MERTK: variants seen among roughly 807,000 people sequenced by gnomAD.
MERTK encodes tyrosine-protein kinase Mer.
MERTK carries 69 observed loss-of-function variants against 99.3 expected under a neutral mutation model. The ratio of observed to expected loss-of-function variants is 0.70; its 90% CI spans 0.57 to 0.85. The LOEUF (loss-of-function observed/expected upper bound fraction) is 0.85, where lower values mean the gene tolerates loss of function less well. Ranked by LOEUF, MERTK falls within the 40% of genes least tolerant of loss-of-function variation. The pLI, the probability that MERTK is intolerant of heterozygous loss-of-function variation, is 0.00. For synonymous variants in MERTK, 426 were observed against 467.6 expected (o/e 0.91, Z 1.15); for missense variants, 1,125 against 1,249.4 (o/e 0.90, Z 1.50).
chr2:111,903,471 G>GA (rs1329306818), intron 1 of MERTK, among the ~76,000 whole-genome samples: 2 of 151,122 alleles, frequency 1.3e-5, no homozygotes, highest in African/African-American at 4.9e-5. Context: ...ATTCCAACTA[G>GA]AAAAAAAAAT....
Position 111,929,458 on chromosome 2 carries a change from G to A in MERTK, c.400G>A (p.Gly134Arg). The change falls in exon 2 of 19, where the codon GGG (glycine) becomes AGG (arginine). Residue 134 changes from glycine (G) to arginine (R), a missense_variant. Transcript: ENST00000295408. Reference protein sequence around the residue: ...QDTTISWWKDGKELLGAHHAI... With the variant: ...QDTTISWWKDRKELLGAHHAI... ...CACCACAATTTCTTGGTGGAAAGAT[G>A]GGAAGGAATTGCTTGGGGCACATCA... The A allele has an allele frequency of 6.2e-7, 1 of 1,613,970 alleles. No individual in the cohort carries two copies. The highest frequency in any genetic ancestry group is 8.5e-7 in the Non-Finnish European group (1 of 1,179,926).
intron 8 of MERTK, among the ~76,000 whole-genome samples, chr2:111,985,397 C>T (rs929985004): frequency 1.3e-5 from 2 of 152,040 alleles, no homozygotes; most frequent in African/African-American, 2.4e-5. Context: ...ACAGAACATC[C>T]GTGGAAGGGC....
At chr2:111,913,265 G>GA (rs1304034174) in intron 1 of MERTK, among the ~76,000 whole-genome samples, 1 of 152,188 alleles carries the variant, frequency 6.6e-6, no homozygotes, top group Non-Finnish European at 1.5e-5. Flanking sequence ...TCCAATTTAT[G>GA]AACACAGTAT....
chr2:111,900,301 A>C (rs1684019036), intron 1 of MERTK, among the ~76,000 whole-genome samples: 1 of 152,222 alleles, frequency 6.6e-6, no homozygotes, highest in African/African-American at 2.4e-5. Context: ...ATTTGGGGCA[A>C]CATAGCAATT....
intron 18 of MERTK, among the ~76,000 whole-genome samples, chr2:112,025,077 G>A (rs1198551889): frequency 6.6e-6 from 1 of 152,228 alleles, no homozygotes; most frequent in Admixed American, 6.5e-5. Context: ...GGTGCCCTGT[G>A]TTAGATGGAC....
intron 2 of MERTK, among the ~76,000 whole-genome samples, chr2:111,934,796 C>T (rs1684735415): frequency 6.6e-6 from 1 of 152,114 alleles, no homozygotes; most frequent in African/African-American, 2.4e-5. Flanking sequence ...TTTGCCCATG[C>T]CTATGTCCTG....
chr2:111,907,567 C>T (rs1017411891), intron 1 of MERTK, among the ~76,000 whole-genome samples: 2 of 152,212 alleles, frequency 1.3e-5, no homozygotes, highest in Non-Finnish European at 2.9e-5. Context: ...AATATTGGAT[C>T]TCCCCAAACA....
chr2:111,900,694 C>T (rs4318394), intron 1 of MERTK, among the ~76,000 whole-genome samples: 148,393 of 152,306 alleles, frequency 0.97, 72,411 homozygotes, highest in Middle Eastern at 1. Context: ...TTTCACCAAT[C>T]GTTCTTGCAC....
intron 8 of MERTK, among the ~76,000 whole-genome samples, chr2:111,993,140 G>A (rs199588763): frequency 4.4e-5 from 1 of 22,964 alleles, no homozygotes; most frequent in African/African-American, 2.0e-4. Flanking sequence ...TGACTATTGT[G>A]GTGTGGGAGC....
At chr2:111,919,274 C>A (rs1684410645) in intron 1 of MERTK, among the ~76,000 whole-genome samples, 1 of 152,050 alleles carries the variant, frequency 6.6e-6, no homozygotes, top group Non-Finnish European at 1.5e-5. Flanking sequence ...CCCTGGCCCA[C>A]CTTAGAGTGA....
chr2:112,027,473 G>A (rs1160832954), intron 18 of MERTK, among the ~76,000 whole-genome samples: 1 of 152,002 alleles, frequency 6.6e-6, no homozygotes, highest in East Asian at 1.9e-4. Flanking sequence ...ATTGTCATCT[G>A]TCTTACTGTG....
At chr2:111,974,464 A>C (rs1676197317) in intron 6 of MERTK, among the ~76,000 whole-genome samples, 1 of 152,120 alleles carries the variant, frequency 6.6e-6, no homozygotes, top group South Asian at 2.1e-4. Context: ...CTTAGGTTAC[A>C]TAATAAAAAG....
Position 111,898,801 on chromosome 2 carries a change from G to A in MERTK, c.61+5G>A, listed in dbSNP as rs768850326. The A allele has an allele frequency of 1.9e-6, 3 of 1,588,574 alleles. No homozygotes were observed. The highest frequency in any genetic ancestry group is 2.6e-6 in the Non-Finnish European group (3 of 1,168,332). On this transcript the variant is annotated splice_donor_5th_base_variant and intron_variant, in intron 1 of 18. Coordinates refer to ENST00000295408, the MANE Select transcript of MERTK (RefSeq NM_006343.3). ...TCCCCGCGCTCTGGCGTAGAGGTGA[G>A]TGCGCCCGGCTGGGGGCCAGGCGAG...
At position 112,019,342 on chromosome 2, in the gene MERTK, C is replaced by CA. The variant is rs752488760; in HGVS notation, c.2080-71_2080-70insA. On this transcript the variant is annotated intron_variant, in intron 15 of 18. Transcript: ENST00000295408. ...AATAAATTAAAGCATCCTTTCCCCC[C>CA]CCGGCAGAAACTGCTTGCAAGTTTT... The CA allele has an allele frequency of 8.1e-6, 9 of 1,107,656 alleles. 1 individual carries two copies. In the Admixed American group the frequency reaches 1.0e-4, roughly 12 times the overall value. 68.6% of individuals were successfully genotyped at this position (1,107,656 alleles called of 1,614,324 possible).
intron 15 of MERTK, among the ~76,000 whole-genome samples, chr2:112,019,191 G>C (rs906508979): frequency 1.3e-5 from 2 of 152,092 alleles, no homozygotes; most frequent in African/African-American, 2.4e-5. Flanking sequence ...TTTAAAGATG[G>C]GGAAAAGAGA....
In MERTK at chr2:111,974,543, G is replaced by A. The variant is rs1381664455; in HGVS notation, c.961-746G>A. 3.3e-5 allele frequency among the ~76,000 whole-genome samples: 5 copies of A among 152,156 alleles called. No individual in the cohort carries two copies. In the East Asian group the frequency reaches 9.6e-4, roughly 29 times the overall value. On this transcript the variant is annotated intron_variant, in intron 6 of 18. Transcript: ENST00000295408. ...CCAGCGCTTTGGAAGTCCAAGGCAG[G>A]TGGATCACCTGAGGTCAGGAGTTCG...
chr2:111,982,842 C>A lies in MERTK; in HGVS notation c.1145C>A (p.Ala382Asp), dbSNP rs1398213148. ...PWILASTTEG[A>D]PSVAPLNVTV... ...TCTTCTCTCCTTTTTTCTTTTGTAG[C>A]CCCATCAGTAGCACCTTTAAATGTC... The change falls in exon 8 of 19, where the codon GCC becomes GAC. Residue 382 changes from alanine (A) to aspartate (D), a missense_variant and splice_region_variant. Transcript: ENST00000295408. 1.9e-6 allele frequency: 3 copies of A among 1,613,698 alleles called. No homozygotes were observed. The African/African-American group carries it at 4.0e-5, about 22-fold the overall frequency.
intron 1 of MERTK, among the ~76,000 whole-genome samples, chr2:111,899,238 C>G (rs1164378383): frequency 6.6e-6 from 1 of 152,214 alleles, no homozygotes; most frequent in East Asian, 1.9e-4. Context: ...CAGATCCGGT[C>G]TCCCGAGGGA....
At chr2:111,927,871 C>T (rs909607427) in intron 1 of MERTK, among the ~76,000 whole-genome samples, 1 of 152,088 alleles carries the variant, frequency 6.6e-6, no homozygotes, top group Non-Finnish European at 1.5e-5. Context: ...CACTGTGTAC[C>T]CCCAGTCACC....
Sources: gnomAD v4.1 joint callset for allele counts (sites outside exome capture counted in the v4.1 genomes callset) on GRCh38, gnomAD v4.1.1 for gene constraint, MANE v1.5 for transcripts, NCBI Gene and HGNC (gene_info 2026-07-23, HGNC 2026-07-21) for gene names.